Variants in RGL1 observed in about 807,000 individuals in gnomAD.
RGL1 encodes the protein ral guanine nucleotide dissociation stimulator-like 1.
RGL1 carries 24 observed loss-of-function variants against 95.2 expected under a neutral mutation model. That is an observed-to-expected ratio of 0.25 (90% CI 0.18 to 0.35). The LOEUF is 0.35. Among genes scored for constraint, RGL1 ranks in the 10% least tolerant of loss-of-function variants. The probability of loss-of-function intolerance (pLI) is 1.00; values close to 1 mark genes in which losing one functional copy is unlikely to be tolerated. For synonymous variants in RGL1, 329 were observed against 344.9 expected (o/e 0.95, Z 0.51); for missense variants, 715 against 936.3 (o/e 0.76, Z 3.08).
intron 1 of RGL1, among the ~76,000 whole-genome samples, chr1:183,638,334 T>C (rs532282502): frequency 6.6e-6 from 1 of 152,220 alleles, no homozygotes; most frequent in South Asian, 2.1e-4. Context: ...AAAAATGTCC[T>C]TTTCTAATGC....
intron 3 of RGL1, among the ~76,000 whole-genome samples, chr1:183,861,613 A>G (rs1665514225): frequency 6.6e-6 from 1 of 152,204 alleles, no homozygotes; most frequent in Non-Finnish European, 1.5e-5. Flanking sequence ...GCCTTGTGAT[A>G]ACAGAGAAAA....
chr1:183,755,472 A>C (rs1658266395), intron 2 of RGL1, among the ~76,000 whole-genome samples: 1 of 152,158 alleles, frequency 6.6e-6, no homozygotes, highest in Non-Finnish European at 1.5e-5. Context: ...AATCTTTATT[A>C]AAGGGTTAAG....
chr1:183,682,791 T>C (rs972739638), intron 1 of RGL1, among the ~76,000 whole-genome samples: 43 of 152,322 alleles, frequency 2.8e-4, no homozygotes, highest in African/African-American at 1.0e-3. Flanking sequence ...ACTATTATTG[T>C]GTGGGAGTCT....
chr1:183,841,035 G>T (rs1664026767), intron 2 of RGL1, among the ~76,000 whole-genome samples: 1 of 152,076 alleles, frequency 6.6e-6, no homozygotes, highest in African/African-American at 2.4e-5. Flanking sequence ...ACATTTTATT[G>T]TAATGGTTTC....
intron 2 of RGL1, among the ~76,000 whole-genome samples, chr1:183,774,512 A>G (rs563416902): frequency 1.3e-5 from 2 of 152,264 alleles, no homozygotes; most frequent in African/African-American, 4.8e-5. Flanking sequence ...CTTATGGATA[A>G]ACATAGAAAT....
At chr1:183,916,780 G>A (rs1169313754) in intron 16 of RGL1, 79 bp downstream of exon 16, 1 of 1,492,962 alleles carries the variant, frequency 6.7e-7, no homozygotes, top group African/African-American at 1.4e-5. Flanking sequence ...CAGACTAATA[G>A]CCCTAAATAT....
intron 1 of RGL1, among the ~76,000 whole-genome samples, chr1:183,661,019 G>T (rs1651580203): frequency 6.6e-6 from 1 of 152,120 alleles, no homozygotes; most frequent in Non-Finnish European, 1.5e-5. Flanking sequence ...CGAGAACAAA[G>T]ACAGAACATA....
intron 15 of RGL1, among the ~76,000 whole-genome samples, chr1:183,913,931 T>A (rs1668810810): frequency 1.3e-5 from 2 of 152,238 alleles, no homozygotes; most frequent in Non-Finnish European, 2.9e-5. Context: ...AAAGAAAGCC[T>A]TCGTGGACAC....
At chr1:183,729,821 A>G (rs971225525) in intron 1 of RGL1, among the ~76,000 whole-genome samples, 5 of 152,190 alleles carry the variant, frequency 3.3e-5, no homozygotes, top group Non-Finnish European at 7.3e-5. Flanking sequence ...ACCAACATAG[A>G]TGAATCTCAA....
chr1:183,704,099 C>T (rs1438977373), intron 1 of RGL1, among the ~76,000 whole-genome samples: 1 of 152,300 alleles, frequency 6.6e-6, no homozygotes, highest in East Asian at 1.9e-4. Context: ...GGGACAAAAA[C>T]TGGCCTTGCA....
intron 2 of RGL1, among the ~76,000 whole-genome samples, chr1:183,791,500 A>T (rs1660438940): frequency 2.0e-5 from 3 of 152,180 alleles, no homozygotes; most frequent in African/African-American, 7.2e-5. Flanking sequence ...CCAAAAGACA[A>T]ATATTTCTGG....
chr1:183,755,600 T>C (rs1386810527), intron 2 of RGL1, among the ~76,000 whole-genome samples: 1 of 152,146 alleles, frequency 6.6e-6, no homozygotes, highest in Non-Finnish European at 1.5e-5. Context: ...GGTGATTACA[T>C]GGGTGTACGT....
At chr1:183,667,545 C>CT (rs1348478431) in intron 1 of RGL1, among the ~76,000 whole-genome samples, 1 of 151,996 alleles carries the variant, frequency 6.6e-6, no homozygotes, top group Non-Finnish European at 1.5e-5. Context: ...AGGCGTGTCT[C>CT]TAACTCCCAA....
chr1:183,663,388 A>C (rs1451887617), intron 1 of RGL1, among the ~76,000 whole-genome samples: 1 of 147,714 alleles, frequency 6.8e-6, no homozygotes, highest in African/African-American at 2.7e-5. Flanking sequence ...CAACCCCATC[A>C]AAAAGTGGAC....
intron 1 of RGL1, among the ~76,000 whole-genome samples, chr1:183,668,935 CTTTTCTTTT>C (rs1652236213): frequency 1.7e-5 from 2 of 115,560 alleles, no homozygotes; most frequent in South Asian, 5.7e-4. Context: ...ATTGGACTTT[CTTTTCTTTT>C]TTTTTTTTTT....
intron 1 of RGL1, among the ~76,000 whole-genome samples, chr1:183,730,988 T>C (rs970156366): frequency 5.3e-5 from 8 of 152,150 alleles, no homozygotes; most frequent in Non-Finnish European, 1.0e-4. Context: ...TGCATAGAAG[T>C]TGTAACTCTG....
intron 1 of RGL1, among the ~76,000 whole-genome samples, chr1:183,678,963 G>A (rs1047613179): frequency 6.6e-6 from 1 of 152,190 alleles, no homozygotes; most frequent in African/African-American, 2.4e-5. Context: ...AACACCTCCA[G>A]CTTTTAAGTG....
chr1:183,698,169 G>A (rs943611805), intron 1 of RGL1, among the ~76,000 whole-genome samples: 8 of 152,112 alleles, frequency 5.3e-5, no homozygotes, highest in African/African-American at 1.9e-4. Flanking sequence ...ACTTAAAATA[G>A]GCCAAATCCT....
intron 1 of RGL1, among the ~76,000 whole-genome samples, chr1:183,715,786 C>G (rs951738534): frequency 6.6e-6 from 1 of 151,696 alleles, no homozygotes; most frequent in African/African-American, 2.4e-5. Flanking sequence ...AGGGAGGGAA[C>G]GATGGAGAAA....
Sources: gnomAD v4.1 joint callset for allele counts (sites outside exome capture counted in the v4.1 genomes callset) on GRCh38, gnomAD v4.1.1 for gene constraint, MANE v1.5 for transcripts, NCBI Gene and HGNC (gene_info 2026-07-23, HGNC 2026-07-21) for gene names.